Variants in TOP1 observed in about 807,000 individuals in gnomAD.
TOP1 encodes DNA topoisomerase 1.
A neutral mutation model predicts 111.1 loss-of-function variants in TOP1; 10 were observed. The observed-to-expected ratio is 0.09, with a 90% CI of 0.06 to 0.15. The LOEUF (loss-of-function observed/expected upper bound fraction) is 0.15, where lower values mean the gene tolerates loss of function less well. TOP1 is among the 10% of genes least tolerant of loss of function. The pLI, the probability that TOP1 is intolerant of heterozygous loss-of-function variation, is 1.00. For synonymous variants in TOP1, 271 were observed against 302.9 expected (o/e 0.89, Z 1.10); for missense variants, 474 against 926.7 (o/e 0.51, Z 6.34).
In TOP1 at chr20:41,084,600, CT is replaced by C. The variant is rs759961445; in HGVS notation, c.614+38del. 7.2e-6 allele frequency: 9 copies of C among 1,256,154 alleles called. No homozygotes were observed. In the South Asian group the frequency reaches 7.6e-5, roughly 11 times the overall value. 77.8% of individuals were successfully genotyped at this position (1,256,154 alleles called of 1,614,324 possible). A position where few individuals can be genotyped will look rare whatever the true frequency, so the allele number is the denominator to read the frequency against. ...TCTCAGCACTGGGTTAAAATGCCAC[CT>C]TTTTTATTGCATATCCTTACGAAGC... On this transcript the variant is annotated intron_variant, in intron 8 of 20. Transcript: ENST00000361337.
At chr20:41,036,460 A>G (rs1315117015) in intron 2 of TOP1, among the ~76,000 whole-genome samples, 2 of 152,254 alleles carry the variant, frequency 1.3e-5, no homozygotes, top group African/African-American at 4.8e-5. Flanking sequence ...GATAATATTT[A>G]TGTTTCACAA....
intron 2 of TOP1, among the ~76,000 whole-genome samples, chr20:41,036,076 T>A (rs1424553696): frequency 6.6e-6 from 1 of 152,206 alleles, no homozygotes; most frequent in Non-Finnish European, 1.5e-5. Context: ...AAAGATAATA[T>A]AGATTGCATA....
intron 17 of TOP1, among the ~76,000 whole-genome samples, chr20:41,117,067 A>G (rs911281052): frequency 2.6e-5 from 4 of 152,186 alleles, no homozygotes; most frequent in East Asian, 1.9e-4. Flanking sequence ...ATAAGATACT[A>G]CCAGGCCATG....
At position 41,095,155 on chromosome 20, in the gene TOP1, G is replaced by A. The variant is rs1235558839; in HGVS notation, c.731-2065G>A. 1.3e-5 allele frequency among the ~76,000 whole-genome samples: 2 copies of A among 152,112 alleles called. No homozygotes were observed. Among genetic ancestry groups the A allele is most frequent in the Non-Finnish European group, 2.9e-5 (2 of 68,028 alleles). ...CAGCCTCCACCTCCAAGGTTCAAAC[G>A]ATTCTCATGCCTCAGCCTCCCAAGT... On this transcript the variant is annotated intron_variant, in intron 9 of 20. Transcript: ENST00000361337. The surrounding 1 kb of genome is among the most constrained non-coding windows in gnomAD (Gnocchi z 4.6).
chr20:41,093,774 C>T lies in TOP1; in HGVS notation c.730+1187C>T, dbSNP rs891692941. 5.3e-5 allele frequency among the ~76,000 whole-genome samples: 8 copies of T among 152,234 alleles called. No homozygotes were observed. In the South Asian group the frequency reaches 1.7e-3, roughly 31 times the overall value. On this transcript the variant is annotated intron_variant, in intron 9 of 20. Transcript: ENST00000361337. ...GCATTCTGGTGCATCTCTCTTCCCA[C>T]CAGTAGTGGCCTTAGGTCCACCAAT...
At chr20:41,072,839 C>CA in intron 3 of TOP1, 1 of 985,440 alleles carries the variant, frequency 1.0e-6, no homozygotes, top group Non-Finnish European at 1.2e-6. Flanking sequence ...CCTTAACCCT[C>CA]AATCATCTGT....
At chr20:41,042,890 A>G (rs560420094) in intron 2 of TOP1, among the ~76,000 whole-genome samples, 1 of 152,328 alleles carries the variant, frequency 6.6e-6, no homozygotes, top group South Asian at 2.1e-4. Context: ...GAGAAAATAT[A>G]TTTACCATTT....
chr20:41,070,893 G>T (rs191505735), intron 3 of TOP1, among the ~76,000 whole-genome samples: 1 of 152,256 alleles, frequency 6.6e-6, no homozygotes, highest in Admixed American at 6.5e-5. Flanking sequence ...TAGTTCCTTG[G>T]GTGAGTTACT....
rs764687353 is a variant in TOP1 at position 41,079,628 on chromosome 20, A to T, written c.336-457A>T. On this transcript the variant is annotated intron_variant, in intron 5 of 20. Coordinates refer to ENST00000361337, the MANE Select transcript of TOP1 (RefSeq NM_003286.4). This position sits in a 1 kb window ranked among gnomAD's most constrained non-coding sequence, Gnocchi z 4.0. ...TGTACGTTATTGCCACATTTTTAGA[A>T]CTTTAAGGTACTAAGTTGGGGAAAT... Among the ~76,000 whole-genome samples the T allele has an allele frequency of 1.3e-5, 2 of 152,154 alleles. No individual in the cohort carries two copies. Among genetic ancestry groups the T allele is most frequent in the African/African-American group, 2.4e-5 (1 of 41,440 alleles).
At chr20:41,033,983 TA>T (rs11475251) in intron 2 of TOP1, among the ~76,000 whole-genome samples, 3,217 of 146,546 alleles carry the variant, frequency 0.022, 102 homozygotes, top group African/African-American at 0.073. Context: ...CCTGGAGGTT[TA>T]AAAAAAAAAA....
Position 41,061,540 on chromosome 20 carries a change from A to T in TOP1, c.155+50A>T. ...CTCATCATTCAGCAGTGGGTTGGCCATTGCTTGGCTTACCTGGAATAGGTC... is the reference window on the plus strand; with the variant it reads ...CTCATCATTCAGCAGTGGGTTGGCCTTTGCTTGGCTTACCTGGAATAGGTC... On this transcript the variant is annotated intron_variant, in intron 3 of 20. Transcript: ENST00000361337. The surrounding 1 kb of genome is among the most constrained non-coding windows in gnomAD (Gnocchi z 4.6). 1 of 1,494,864 alleles carries T rather than the reference A, an allele frequency of 6.7e-7. No homozygotes were observed. Among genetic ancestry groups the T allele is most frequent in the East Asian group, 2.4e-5 (1 of 40,824 alleles). 92.6% of individuals were successfully genotyped at this position (1,494,864 alleles called of 1,614,324 possible).
In TOP1 at chr20:41,029,088, C is replaced by G; in HGVS notation, c.21C>G (p.His7Gln). The G allele has an allele frequency of 1.3e-6, 2 of 1,534,918 alleles. No homozygotes were observed. Residue 7 changes from histidine (H) to glutamine (Q), a missense_variant, in exon 1 of 21, where the codon CAC (histidine) becomes CAG (glutamine). Physicochemically the swap from His to Gln is conservative, Grantham distance 24. This residue lies in a region of TOP1 where 185 missense variants were observed against 226.3 expected (regional missense o/e 0.82). Coordinates refer to ENST00000361337, the MANE Select transcript of TOP1 (RefSeq NM_003286.4). This position sits in a 1 kb window ranked among gnomAD's most constrained non-coding sequence, Gnocchi z 6.1. Reference sequence around the variant, plus strand: ...CCGACATGAGTGGGGACCACCTCCACAACGATTCCCAGGTACGGCCCGGCC... The same window carrying G: ...CCGACATGAGTGGGGACCACCTCCAGAACGATTCCCAGGTACGGCCCGGCC... MSGDHL[H>Q]NDSQIEADFR...
Position 41,084,483 on chromosome 20 carries a change from A to G in TOP1, c.529A>G (p.Lys177Glu), listed in dbSNP as rs902591606. 8 of 1,566,942 alleles carry G rather than the reference A, an allele frequency of 5.1e-6. No homozygotes were observed. The highest frequency in any genetic ancestry group is 1.7e-6 in the Non-Finnish European group (2 of 1,155,550). Residue 177 changes from lysine (K) to glutamate (E), a missense_variant, in exon 8 of 21, where the codon AAG (lysine) becomes GAG (glutamate). Transcript: ENST00000361337. ...EEEDGKLKKP[K>E]NKDKDKKVPE... is the part of the protein sequence containing the mutation. ...GTAGGATGGTAAATTGAAAAAACCC[A>G]AGAATAAAGATAAAGATAAAAAAGT...
At chr20:41,054,934 C>G (rs980915978) in intron 2 of TOP1, among the ~76,000 whole-genome samples, 1 of 152,096 alleles carries the variant, frequency 6.6e-6, no homozygotes, top group Admixed American at 6.6e-5. Flanking sequence ...TTTTGTCTGT[C>G]GGAAGCTTCT....
chr20:41,089,323 G>A (rs1396229361), intron 8 of TOP1, among the ~76,000 whole-genome samples: 1 of 152,142 alleles, frequency 6.6e-6, no homozygotes, highest in Non-Finnish European at 1.5e-5. Context: ...ACCGTGCCCA[G>A]CCTATTCCCC....
At position 41,071,504 on chromosome 20, in the gene TOP1, C is replaced by G. The variant is rs1018941513; in HGVS notation, c.156-4667C>G. 2.0e-5 allele frequency among the ~76,000 whole-genome samples: 3 copies of G among 152,092 alleles called. No individual in the cohort carries two copies. Among genetic ancestry groups the G allele is most frequent in the Non-Finnish European group, 4.4e-5 (3 of 68,034 alleles). On this transcript the variant is annotated intron_variant, in intron 3 of 20. Transcript: ENST00000361337. This position sits in a 1 kb window ranked among gnomAD's most constrained non-coding sequence, Gnocchi z 4.3. Reference sequence around the variant, plus strand: ...GGATTACAGGCATGTGCCACCACGCCCAGCTAATTTTTGTATTTTTAGTAG... The same window carrying G: ...GGATTACAGGCATGTGCCACCACGCGCAGCTAATTTTTGTATTTTTAGTAG...
rs185570048 is a variant in TOP1 at position 41,095,733 on chromosome 20, C to G, written c.731-1487C>G. Among the ~76,000 whole-genome samples the G allele has an allele frequency of 1.8e-3, 273 of 152,234 alleles. No individual in the cohort carries two copies. The highest frequency in any genetic ancestry group is 6.4e-3 in the African/African-American group (266 of 41,530). On this transcript the variant is annotated intron_variant, in intron 9 of 20. Coordinates refer to ENST00000361337, the MANE Select transcript of TOP1 (RefSeq NM_003286.4). This position sits in a 1 kb window ranked among gnomAD's most constrained non-coding sequence, Gnocchi z 4.6. ...GGATTTCTGGTTAAATTTTAGTTTT[C>G]TATAAAGAATGTGGGCAGCCTTGGT...
At chr20:41,033,050 A>G (rs1745035982) in intron 2 of TOP1, among the ~76,000 whole-genome samples, 1 of 152,170 alleles carries the variant, frequency 6.6e-6, no homozygotes, top group Non-Finnish European at 1.5e-5. Flanking sequence ...TAGGATTTTT[A>G]TACTATGCTT....
intron 8 of TOP1, among the ~76,000 whole-genome samples, chr20:41,088,697 G>C (rs543892406): frequency 2.0e-5 from 3 of 152,004 alleles, no homozygotes; most frequent in African/African-American, 7.3e-5. Flanking sequence ...TAGACTGTAG[G>C]ATTGGGTGGT....
Sources: gnomAD v4.1 joint callset for allele counts (sites outside exome capture counted in the v4.1 genomes callset) on GRCh38, gnomAD v4.1.1 for gene constraint, gnomAD v4.1.1 regional missense constraint, Gnocchi (gnomAD v3.1) non-coding constraint, MANE v1.5 for transcripts, NCBI Gene and HGNC (gene_info 2026-07-23, HGNC 2026-07-21) for gene names.